The following MYORG variants were observed in gnomAD, a reference collection of about 807,000 sequenced individuals.
The protein encoded by MYORG is myogenesis regulating glycosidase.
Under a neutral mutation model 49.8 loss-of-function variants are expected in MYORG, and 45 were observed. That is an observed-to-expected ratio of 0.90 (90% CI 0.71 to 1.16). The LOEUF is 1.16. Ranked by LOEUF, MYORG falls within the 50% of genes most tolerant of loss-of-function variation. MYORG has a pLI of 0.00. For missense variants in MYORG, 1,110 were observed against 1,026.5 expected, an observed-to-expected ratio of 1.08 and a Z score of -1.11; for synonymous variants, 552 against 462.9, an observed-to-expected ratio of 1.19 and a Z score of -2.47.
chr9:34,372,759 A>G lies in MYORG; in HGVS notation c.185T>C (p.Val62Ala). 2 of 1,613,862 alleles carry G rather than the reference A, an allele frequency of 1.2e-6. No individual in the cohort carries two copies. Among genetic ancestry groups the G allele is most frequent in the Non-Finnish European group, 1.7e-6 (2 of 1,179,818 alleles). Residue 62 changes from valine to alanine, a missense_variant, in exon 2 of 2, where the codon GTT becomes GCT. Val to Ala is a moderately conservative substitution (Grantham distance 64). Transcript: ENST00000297625. The stretch of plus-strand genomic sequence containing the variant: ...GGCCAGCACAAGCAGCAGCCCCAGA[A>G]CCGCGGAGCCCAGCAGCGGCTTCAG... ...KDLKPLLGSA[V>A]LGLLLVLAAV...
Position 34,370,545 on chromosome 9 carries a change from G to T in MYORG, c.*254C>A. 2.0e-6 allele frequency: 1 copy of T among 506,538 alleles called. No homozygotes were observed. Among genetic ancestry groups the T allele is most frequent in the South Asian group, 5.4e-5 (1 of 18,690 alleles). 31.4% of individuals were successfully genotyped at this position (506,538 alleles called of 1,614,324 possible). A position where few individuals can be genotyped will look rare whatever the true frequency, so the allele number is the denominator to read the frequency against. The stretch of plus-strand genomic sequence containing the variant: ...CTCTGGCTTCCACCCCAGGGAAGAG[G>T]TTTCTGCAGATTGGTGTGAGTGTGG... On this transcript the variant is annotated 3_prime_UTR_variant, in exon 2 of 2. Transcript: ENST00000297625.
chr9:34,374,009 C>A (rs754982737), intron 1 of MYORG, among the ~76,000 whole-genome samples: 19 of 152,216 alleles, frequency 1.2e-4, no homozygotes, highest in Non-Finnish European at 2.4e-4. Context: ...ACATCTGCTT[C>A]TCTTTGCCCT....
Position 34,371,633 on chromosome 9 carries a change from G to A in MYORG, c.1311C>T (p.His437=), listed in dbSNP as rs1211338774. ...CCTGGAACCAGTCGCGGGCCTTTGGGTGCGTGAAGTCTAGCACCGCGCCGA... is the reference window on the plus strand; with the variant it reads ...CCTGGAACCAGTCGCGGGCCTTTGGATGCGTGAAGTCTAGCACCGCGCCGA... ...NGIGAVLDFT[H]PKARDWFQGH... Residue 437 remains histidine (H), a synonymous_variant, in exon 2 of 2, where the codon CAC becomes CAT. Transcript: ENST00000297625. The A allele has an allele frequency of 1.2e-6, 2 of 1,605,978 alleles. No homozygotes were observed. Among genetic ancestry groups the A allele is most frequent in the Non-Finnish European group, 8.5e-7 (1 of 1,177,512 alleles).
Position 34,371,893 on chromosome 9 carries a change from C to T in MYORG, c.1051G>A (p.Glu351Lys), listed in dbSNP as rs772102147. The stretch of plus-strand genomic sequence containing the variant: ...GCAGGTGTGTACATGTCGTCGATTT[C>T]CAGGTGGCTGCTGTTGAAGTGGTGC... ...RLHHFNSSHL[E>K]IDDMYTPAYG... The change falls in exon 2 of 2, where the codon GAA becomes AAA. Residue 351 changes from glutamate (E) to lysine (K), a missense_variant. Glu to Lys is a moderately conservative substitution (Grantham distance 56). Coordinates refer to ENST00000297625, the MANE Select transcript of MYORG (RefSeq NM_020702.5). The T allele has an allele frequency of 6.2e-7, 1 of 1,614,064 alleles. No individual in the cohort carries two copies. The highest frequency in any genetic ancestry group is 8.5e-7 in the Non-Finnish European group (1 of 1,179,892).
rs1222321941 is a variant in MYORG at position 34,372,557 on chromosome 9, G to A, written c.387C>T (p.Gly129=). 6.2e-7 allele frequency: 1 copy of A among 1,601,366 alleles called. No individual in the cohort carries two copies. Residue 129 remains glycine (G), a synonymous_variant, in exon 2 of 2, where the codon GGC becomes GGT. Coordinates refer to ENST00000297625, the MANE Select transcript of MYORG (RefSeq NM_020702.5). ...ALDLDSCSRD[G]ALLGCSLTAD... ...CCGTGAGCGAGCAGCCCAGCAGGGC[G>A]CCATCGCGGCTGCAGGAGTCAAGGT...
rs757462590 is a variant in MYORG, at chr9:34,371,305, G to C, written c.1639C>G (p.Pro547Ala). The change falls in exon 2 of 2, where the codon CCA becomes GCA. Residue 547 changes from proline to alanine, a missense_variant. Physicochemically the swap from Pro to Ala is conservative, Grantham distance 27. Coordinates refer to ENST00000297625, the MANE Select transcript of MYORG (RefSeq NM_020702.5). ...CCCACCATATCGGGTAGGATGAATGGGTAGCCCAGCATGCTGACGGTGAGC... is the reference window on the plus strand; with the variant it reads ...CCCACCATATCGGGTAGGATGAATGCGTAGCCCAGCATGCTGACGGTGAGC... ...AVLTVSMLGY[P>A]FILPDMVGGN... 7 of 1,611,772 alleles carry C rather than the reference G, an allele frequency of 4.3e-6. No individual in the cohort carries two copies. The highest frequency in any genetic ancestry group is 1.7e-5 in the Admixed American group (1 of 59,794).
Position 34,372,413 on chromosome 9 carries a change from G to C in MYORG, c.531C>G (p.Phe177Leu). ...APGRAVEHAM[F>L]LGDAAAHWYG... ...ACCAGTGGGCCGCCGCGTCGCCCAA[G>C]AACATGGCGTGCTCCACGGCCCGGC... The change falls in exon 2 of 2, where the codon TTC (phenylalanine) becomes TTG (leucine). Residue 177 changes from phenylalanine to leucine, a missense_variant. Physicochemically the swap from Phe to Leu is conservative, Grantham distance 22. Coordinates refer to ENST00000297625, the MANE Select transcript of MYORG (RefSeq NM_020702.5). 1 of 1,584,276 alleles carries C rather than the reference G, an allele frequency of 6.3e-7. No individual in the cohort carries two copies. The highest frequency in any genetic ancestry group is 1.3e-5 in the African/African-American group (1 of 74,366).
chr9:34,371,852 G>C lies in MYORG; in HGVS notation c.1092C>G (p.Asp364Glu). ...DMYTPAYGDF[D>E]FDEVKFPNAS... is the part of the protein sequence containing the mutation. ...CGTTGGGGAATTTGACCTCATCGAAGTCGAAGTCGCCATAAGCAGGTGTGT... is the reference window on the plus strand; with the variant it reads ...CGTTGGGGAATTTGACCTCATCGAACTCGAAGTCGCCATAAGCAGGTGTGT... Residue 364 changes from aspartate (D) to glutamate (E), a missense_variant, in exon 2 of 2, where the codon GAC becomes GAG. Coordinates refer to ENST00000297625, the MANE Select transcript of MYORG (RefSeq NM_020702.5). The C allele has an allele frequency of 1.2e-6, 2 of 1,614,070 alleles. No homozygotes were observed. The highest frequency in any genetic ancestry group is 8.5e-7 in the Non-Finnish European group (1 of 1,179,884).
chr9:34,372,284 C>A lies in MYORG; in HGVS notation c.660G>T (p.Ala220=), dbSNP rs754770471. ...AGTAGCGCTCGAGGATGCCCCCAAACGCGGCGTCGGAGGAGTAGACATCGC... is the reference window on the plus strand; with the variant it reads ...AGTAGCGCTCGAGGATGCCCCCAAAAGCGGCGTCGGAGGAGTAGACATCGC... ...VTSDVYSSDA[A]FGGILERYWL... Residue 220 remains alanine, a synonymous_variant, in exon 2 of 2, where the codon GCG becomes GCT. Coordinates refer to ENST00000297625, the MANE Select transcript of MYORG (RefSeq NM_020702.5). 1.2e-6 allele frequency: 2 copies of A among 1,610,502 alleles called. No individual in the cohort carries two copies. The highest frequency in any genetic ancestry group is 1.7e-5 in the Admixed American group (1 of 59,694).
Position 34,371,444 on chromosome 9 carries a change from C to T in MYORG, c.1500G>A (p.Leu500=). 1 of 1,613,086 alleles carries T rather than the reference C, an allele frequency of 6.2e-7. No homozygotes were observed. The highest frequency in any genetic ancestry group is 8.5e-7 in the Non-Finnish European group (1 of 1,179,806). Residue 500 remains leucine (L), a synonymous_variant, in exon 2 of 2, where the codon CTG becomes CTA. Transcript: ENST00000297625. ...ACTGGTAGCCTACGCGCACCTCCGCCAGCGAGAAGAAGGGCAGCGCCATCT... is the reference window on the plus strand; with the variant it reads ...ACTGGTAGCCTACGCGCACCTCCGCTAGCGAGAAGAAGGGCAGCGCCATCT... The part of the protein sequence containing the change: ...YTEMALPFFS[L]AEVRVGYQSQ...
Position 34,371,245 on chromosome 9 carries a change from C to A in MYORG, c.1699G>T (p.Asp567Tyr). ...NAVPQRTAGG[D>Y]VPERELYIRW... ...ATGTAGAGCTCGCGCTCGGGCACAT[C>A]GCCGCCGGCTGTCCGCTGGGGCACG... Residue 567 changes from aspartate to tyrosine, a missense_variant, in exon 2 of 2, where the codon GAT (aspartate) becomes TAT (tyrosine). Physicochemically the swap from Asp to Tyr is radical, Grantham distance 160. Coordinates refer to ENST00000297625, the MANE Select transcript of MYORG (RefSeq NM_020702.5). The A allele has an allele frequency of 1.2e-6, 2 of 1,608,126 alleles. No homozygotes were observed. Among genetic ancestry groups the A allele is most frequent in the Non-Finnish European group, 8.5e-7 (1 of 1,177,520 alleles).
intron 1 of MYORG, 99 bp from the exon 2 acceptor site, chr9:34,373,105 A>C: frequency 1.2e-6 from 1 of 854,952 alleles, no homozygotes; most frequent in Non-Finnish European, 1.8e-6. Context: ...TGGGAAGATG[A>C]ATACTGGAAC....
intron 1 of MYORG, among the ~76,000 whole-genome samples, chr9:34,373,254 A>G (rs1020214171): frequency 5.3e-5 from 8 of 152,054 alleles, no homozygotes; most frequent in Non-Finnish European, 1.2e-4. Flanking sequence ...GGGAGATGGC[A>G]CCCATCCTCA....
rs752671217 is a variant in MYORG, at chr9:34,371,663, G to A, written c.1281C>T (p.Asn427=). The part of the protein sequence containing the change: ...GRLPALVRWW[N]GIGAVLDFTH... ...TGAAGTCTAGCACCGCGCCGATGCC[G>A]TTCCACCAGCGCACCAGCGCAGGTA... The change falls in exon 2 of 2, where the codon AAC becomes AAT. Residue 427 remains asparagine, a synonymous_variant. Transcript: ENST00000297625. 6 of 1,607,032 alleles carry A rather than the reference G, an allele frequency of 3.7e-6. No individual in the cohort carries two copies. The highest frequency in any genetic ancestry group is 2.2e-5 in the East Asian group (1 of 44,586).
intron 1 of MYORG, among the ~76,000 whole-genome samples, chr9:34,375,429 C>T (rs1338873711): frequency 6.6e-6 from 1 of 152,188 alleles, no homozygotes; most frequent in Non-Finnish European, 1.5e-5. Flanking sequence ...AGCTTTCCTC[C>T]CCATTCCTAT....
At chr9:34,373,952 A>G (rs1820682390) in intron 1 of MYORG, among the ~76,000 whole-genome samples, 1 of 152,224 alleles carries the variant, frequency 6.6e-6, no homozygotes. Flanking sequence ...GGGTTCAGAC[A>G]TTAGGGCCTG....
rs914881172 is a variant in MYORG, at chr9:34,369,391, A to G, written c.*1408T>C. On this transcript the variant is annotated 3_prime_UTR_variant, in exon 2 of 2. Coordinates refer to ENST00000297625, the MANE Select transcript of MYORG (RefSeq NM_020702.5). The stretch of plus-strand genomic sequence containing the variant: ...CTCCGGCTGAGGTTGCTCTTCTTAG[A>G]AAGAGAAAATGGCTGGCGTGGTGGC... 2 of 152,204 alleles carry G rather than the reference A, an allele frequency of 1.3e-5. No individual in the cohort carries two copies. Among genetic ancestry groups the G allele is most frequent in the Non-Finnish European group, 2.9e-5 (2 of 68,038 alleles). 9.4% of individuals were successfully genotyped at this position (152,204 alleles called of 1,614,324 possible).
In MYORG at chr9:34,371,472, G is replaced by A; in HGVS notation, c.1472C>T (p.Thr491Ile). 6.2e-7 allele frequency: 1 copy of A among 1,612,422 alleles called. No individual in the cohort carries two copies. The highest frequency in any genetic ancestry group is 8.5e-7 in the Non-Finnish European group (1 of 1,179,758). Residue 491 changes from threonine to isoleucine, a missense_variant, in exon 2 of 2, where the codon ACT becomes ATT. Thr to Ile is a moderately conservative substitution (Grantham distance 89). Transcript: ENST00000297625. ...CGAGAAGAAGGGCAGCGCCATCTCAGTGTAGCGCCGGCTCCAGACGCTGGG... is the reference window on the plus strand; with the variant it reads ...CGAGAAGAAGGGCAGCGCCATCTCAATGTAGCGCCGGCTCCAGACGCTGGG... ...PDPSVWSRRY[T>I]EMALPFFSLA...
chr9:34,373,069 C>T (rs1279568411), intron 1 of MYORG, 63 bp from the exon 2 acceptor site: 11 of 1,224,910 alleles, frequency 9.0e-6, no homozygotes, highest in African/African-American at 6.0e-5. Context: ...CATTTGCTGC[C>T]GCAAGCTAAG....
Sources: gnomAD v4.1 joint callset for allele counts (sites outside exome capture counted in the v4.1 genomes callset) on GRCh38, gnomAD v4.1.1 for gene constraint, MANE v1.5 for transcripts, NCBI Gene and HGNC (gene_info 2026-07-23, HGNC 2026-07-21) for gene names.